Variants in NEBL observed in about 807,000 individuals in gnomAD.
NEBL encodes LIM and SH3 protein 2.
NEBL carries 122 observed loss-of-function variants against 140.2 expected under a neutral mutation model. That is an observed-to-expected ratio of 0.87 (90% CI 0.75 to 1.01). NEBL has a LOEUF of 1.01. NEBL is among the 50% of genes least tolerant of loss of function. NEBL has a pLI of 0.00. For synonymous variants in NEBL, 436 were observed against 398.9 expected (o/e 1.09, Z -1.11); for missense variants, 1,365 against 1,231.3 (o/e 1.11, Z -1.62).
At chr10:21,021,906 C>G (rs541462154) in intron 2 of NEBL, among the ~76,000 whole-genome samples, 63 of 152,124 alleles carry the variant, frequency 4.1e-4, no homozygotes, top group Non-Finnish European at 7.2e-4. Context: ...ATGGAGGGAG[C>G]AGAACAACCA....
chr10:20,968,109 A>C (rs1405974030), intron 3 of NEBL, among the ~76,000 whole-genome samples: 1 of 152,196 alleles, frequency 6.6e-6, no homozygotes, highest in Non-Finnish European at 1.5e-5. Context: ...GAGTTTCTTC[A>C]TCTTAGTGAG....
chr10:20,940,388 G>A (rs745434367), intron 4 of NEBL, among the ~76,000 whole-genome samples: 1,660 of 146,830 alleles, frequency 0.011, 15 homozygotes, highest in Middle Eastern at 0.041. Flanking sequence ...TGAAACCAAC[G>A]AGAACAAAGA....
upstream of NEBL, among the ~76,000 whole-genome samples, chr10:20,899,059 G>A (rs762809489): frequency 1.6e-4 from 25 of 152,148 alleles, no homozygotes; most frequent in Admixed American, 3.9e-4. Context: ...GCCATATCAT[G>A]CTGGCCCAGT....
intron 2 of NEBL, among the ~76,000 whole-genome samples, chr10:21,047,759 T>C (rs1834585868): frequency 6.6e-6 from 1 of 152,196 alleles, no homozygotes; most frequent in East Asian, 1.9e-4. Context: ...TCTGTGACTT[T>C]GACCAAATCA....
chr10:21,252,459 C>T (rs1842599242), intron 1 of NEBL, among the ~76,000 whole-genome samples: 1 of 152,144 alleles, frequency 6.6e-6, no homozygotes, highest in Non-Finnish European at 1.5e-5. Context: ...AAAGCAAACT[C>T]CATGCCCTAA....
At chr10:21,131,767 A>T (rs1022280293) in intron 2 of NEBL, among the ~76,000 whole-genome samples, 8 of 152,158 alleles carry the variant, frequency 5.3e-5, no homozygotes, top group Non-Finnish European at 1.0e-4. Context: ...AAGTTTGGGA[A>T]AAGGAATAAG....
At chr10:20,935,408 A>C (rs1834426228) in intron 4 of NEBL, among the ~76,000 whole-genome samples, 1 of 152,224 alleles carries the variant, frequency 6.6e-6, no homozygotes. Flanking sequence ...GCATCTCTTC[A>C]TCGAATTCAC....
In NEBL at chr10:20,911,624, A is replaced by C. The variant is rs557834189; in HGVS notation, c.357+50048T>G. Among the ~76,000 whole-genome samples the C allele has an allele frequency of 2.6e-5, 4 of 152,318 alleles. No homozygotes were observed. In the South Asian group the frequency reaches 8.3e-4, roughly 32 times the overall value. On this transcript the variant is annotated intron_variant, in intron 4 of 6. Coordinates refer to the NEBL transcript ENST00000417816. ...GTTTTAAAACTAGAGCATTTAACTC[A>C]AGTACATATAAATAAGAAAGTATAA...
At chr10:21,012,978 G>A (rs982170310) in intron 3 of NEBL, among the ~76,000 whole-genome samples, 2 of 152,084 alleles carry the variant, frequency 1.3e-5, no homozygotes, top group Non-Finnish European at 2.9e-5. Flanking sequence ...TTAAAGGGTC[G>A]AAAACCTAGC....
At chr10:20,786,269 G>A (rs1001399355) in intron 27 of NEBL, among the ~76,000 whole-genome samples, 4 of 152,010 alleles carry the variant, frequency 2.6e-5, no homozygotes, top group South Asian at 2.1e-4. Flanking sequence ...AACAAAACTC[G>A]TCATATGTCA....
intron 22 of NEBL, among the ~76,000 whole-genome samples, 185 bp from the exon 23 acceptor site, chr10:20,814,228 C>T (rs1412490688): frequency 5.3e-5 from 8 of 152,016 alleles, no homozygotes; most frequent in East Asian, 1.9e-4. Context: ...TCTCCTCCAC[C>T]GCCTACTGCT....
chr10:20,899,413 C>T, upstream of NEBL: 11 of 1,303,964 alleles, frequency 8.4e-6, no homozygotes, highest in Non-Finnish European at 1.1e-5. Flanking sequence ...TTTCTCATTT[C>T]CCATCACGTA....
chr10:21,067,207 G>A (rs1227810344), intron 2 of NEBL, among the ~76,000 whole-genome samples: 1 of 152,044 alleles, frequency 6.6e-6, no homozygotes, highest in African/African-American at 2.4e-5. Context: ...TCCTGACCTT[G>A]TGATCCGCCC....
intron 3 of NEBL, among the ~76,000 whole-genome samples, chr10:20,977,347 T>C (rs1836847062): frequency 6.6e-6 from 1 of 152,246 alleles, no homozygotes; most frequent in African/African-American, 2.4e-5. Context: ...TCTTAACCAA[T>C]GTTTGACTTG....
chr10:21,139,896 A>G (rs11012543), intron 2 of NEBL, among the ~76,000 whole-genome samples: 6,891 of 151,936 alleles, frequency 0.045, 308 homozygotes, highest in East Asian at 0.21. Context: ...CACGCCTGTA[A>G]TCCCAGCACT....
intron 3 of NEBL, among the ~76,000 whole-genome samples, chr10:21,188,554 T>G (rs11012567): frequency 6.6e-6 from 1 of 151,562 alleles, no homozygotes; most frequent in Non-Finnish European, 1.5e-5. Context: ...AATGTGAACA[T>G]GCAAAAATGA....
chr10:21,228,787 C>T (rs1276334639), intron 3 of NEBL, among the ~76,000 whole-genome samples: 4 of 152,076 alleles, frequency 2.6e-5, no homozygotes, highest in Admixed American at 6.5e-5. Context: ...CTTATGAAAC[C>T]TTTGCCCCAA....
At chr10:20,796,782 C>T (rs1836587726) in intron 26 of NEBL, among the ~76,000 whole-genome samples, 1 of 152,150 alleles carries the variant, frequency 6.6e-6, no homozygotes, top group East Asian at 1.9e-4. Flanking sequence ...AACTATAATT[C>T]AAACCACAAA....
At chr10:21,101,477 G>A (rs543605451) in intron 2 of NEBL, among the ~76,000 whole-genome samples, 4 of 152,308 alleles carry the variant, frequency 2.6e-5, no homozygotes, top group African/African-American at 9.6e-5. Context: ...CATGATAAGA[G>A]CCACTGTGAA....
Sources: gnomAD v4.1 joint callset for allele counts (sites outside exome capture counted in the v4.1 genomes callset) on GRCh38, gnomAD v4.1.1 for gene constraint, MANE v1.5 for transcripts, NCBI Gene and HGNC (gene_info 2026-07-23, HGNC 2026-07-21) for gene names.